Variants in ATRNL1 observed in about 807,000 individuals in gnomAD.
ATRNL1 encodes the protein attractin like 1, also known as attractin-like protein 1.
Under a neutral mutation model 182.7 loss-of-function variants are expected in ATRNL1, and 95 were observed. That is an observed-to-expected ratio of 0.52 (90% CI 0.44 to 0.62). The LOEUF (loss-of-function observed/expected upper bound fraction) is 0.62, where lower values mean the gene tolerates loss of function less well. Among genes scored for constraint, ATRNL1 ranks in the 20% least tolerant of loss-of-function variants. The probability of loss-of-function intolerance (pLI) is 0.00; values close to 1 mark genes in which losing one functional copy is unlikely to be tolerated. For synonymous variants in ATRNL1, 576 were observed against 568.3 expected, an observed-to-expected ratio of 1.01 and a Z score of -0.19; for missense variants, 1,471 against 1,679.5, an observed-to-expected ratio of 0.88 and a Z score of 2.17.
intron 28 of ATRNL1, among the ~76,000 whole-genome samples, chr10:115,858,375 T>C (rs782762927): frequency 2.6e-5 from 4 of 152,130 alleles, no homozygotes; most frequent in Non-Finnish European, 5.9e-5. Context: ...AGGAATGAGA[T>C]CATGTCCTTT....
intron 26 of ATRNL1, chr10:115,597,692 G>T: frequency 8.9e-6 from 4 of 447,346 alleles, no homozygotes; most frequent in Non-Finnish European, 1.8e-5. Context: ...CATTACAGGC[G>T]CCCACTACCA....
intron 28 of ATRNL1, among the ~76,000 whole-genome samples, chr10:115,895,735 A>C (rs1565468321): frequency 6.6e-6 from 1 of 152,220 alleles, no homozygotes; most frequent in South Asian, 2.1e-4. Flanking sequence ...TAATTACAAT[A>C]AAGTGTAAGA....
rs114734437 is a variant in ATRNL1 at position 115,765,280 on chromosome 10, C to T, written c.3903+37925C>T. Among the ~76,000 whole-genome samples, 908 of 152,232 alleles carry T rather than the reference C, an allele frequency of 6.0e-3. 8 individuals are homozygous for T. Among genetic ancestry groups the T allele is most frequent in the African/African-American group, 0.021 (865 of 41,530 alleles). On this transcript the variant is annotated intron_variant, in intron 27 of 28. Transcript: ENST00000355044. ...AAATGACTTTACCATTTTGCATTCC[C>T]GTGAGCAAAGAATGAGAATTCCTGT...
intron 27 of ATRNL1, among the ~76,000 whole-genome samples, chr10:115,764,310 C>A (rs1948804001): frequency 6.6e-6 from 1 of 152,140 alleles, no homozygotes; most frequent in Admixed American, 6.5e-5. Flanking sequence ...ATTGACACAT[C>A]ATAATCATCC....
chr10:115,384,703 C>G (rs1262287823), intron 19 of ATRNL1, among the ~76,000 whole-genome samples: 4 of 151,742 alleles, frequency 2.6e-5, no homozygotes, highest in African/African-American at 9.7e-5. Flanking sequence ...ATGGGTCATA[C>G]AAAAGTAAAA....
chr10:115,637,603 C>CTATCATTATTATTAT (rs1858961033), intron 26 of ATRNL1, among the ~76,000 whole-genome samples: 3 of 141,828 alleles, frequency 2.1e-5, no homozygotes, highest in African/African-American at 7.8e-5. Flanking sequence ...CAATTTATTA[C>CTATCATTATTATTAT]TATTATTATT....
chr10:115,637,785 C>T (rs966472520), intron 26 of ATRNL1, among the ~76,000 whole-genome samples: 14 of 151,728 alleles, frequency 9.2e-5, no homozygotes, highest in African/African-American at 3.4e-4. Flanking sequence ...CCACCACACC[C>T]AGCTAGTTTT....
intron 18 of ATRNL1, among the ~76,000 whole-genome samples, chr10:115,320,518 T>C (rs1183835208): frequency 6.6e-6 from 1 of 152,206 alleles, no homozygotes; most frequent in African/African-American, 2.4e-5. Context: ...CCCTGTCTAC[T>C]TCAGGTACTC....
chr10:115,562,307 T>C (rs782272010), intron 26 of ATRNL1, among the ~76,000 whole-genome samples: 134 of 152,290 alleles, frequency 8.8e-4, no homozygotes, highest in Non-Finnish European at 1.2e-3. Flanking sequence ...CTTGGGTATT[T>C]GATGGAATGT....
At chr10:115,679,635 G>T (rs1205349876) in intron 26 of ATRNL1, among the ~76,000 whole-genome samples, 2 of 151,948 alleles carry the variant, frequency 1.3e-5, no homozygotes, top group Non-Finnish European at 1.5e-5. Flanking sequence ...TTTGATATTT[G>T]CCCTGAGACA....
intron 8 of ATRNL1, among the ~76,000 whole-genome samples, chr10:115,175,995 C>T (rs578255150): frequency 4.6e-5 from 7 of 152,092 alleles, no homozygotes; most frequent in South Asian, 4.2e-4. Flanking sequence ...TTTTAATGAT[C>T]GCCATTCTAA....
intron 26 of ATRNL1, among the ~76,000 whole-genome samples, chr10:115,601,826 CA>C (rs1233923998): frequency 2.6e-5 from 4 of 152,118 alleles, no homozygotes; most frequent in Non-Finnish European, 4.4e-5. Flanking sequence ...TTTCTTCCTG[CA>C]TTTCTAATTG....
intron 8 of ATRNL1, among the ~76,000 whole-genome samples, chr10:115,196,160 T>C (rs1201094731): frequency 6.7e-6 from 1 of 149,246 alleles, no homozygotes; most frequent in African/African-American, 2.6e-5. Context: ...GGCAAAACCC[T>C]GTGCCTGAAT....
At chr10:115,900,198 T>C (rs1555113332) in intron 28 of ATRNL1, among the ~76,000 whole-genome samples, 1 of 151,974 alleles carries the variant, frequency 6.6e-6, no homozygotes, top group Non-Finnish European at 1.5e-5. Context: ...GTTGTCCATA[T>C]TTTTTTATAA....
At chr10:115,447,939 T>C (rs954071724) in intron 21 of ATRNL1, among the ~76,000 whole-genome samples, 4 of 152,084 alleles carry the variant, frequency 2.6e-5, no homozygotes, top group Admixed American at 6.5e-5. Flanking sequence ...AATCTGATGG[T>C]TTTGAAATAC....
At chr10:115,382,861 C>A (rs1858104110) in intron 19 of ATRNL1, among the ~76,000 whole-genome samples, 1 of 151,714 alleles carries the variant, frequency 6.6e-6, no homozygotes, top group Non-Finnish European at 1.5e-5. Flanking sequence ...AAAAAATGCC[C>A]ACACTATTTA....
intron 27 of ATRNL1, among the ~76,000 whole-genome samples, chr10:115,812,667 G>A (rs1555087364): frequency 2.6e-5 from 4 of 152,032 alleles, no homozygotes; most frequent in Admixed American, 6.6e-5. Context: ...TAGTAGAAAC[G>A]GGGTTTCACC....
chr10:115,644,027 C>T (rs1270525871), intron 26 of ATRNL1, among the ~76,000 whole-genome samples: 1 of 152,220 alleles, frequency 6.6e-6, no homozygotes, highest in Non-Finnish European at 1.5e-5. Context: ...TTTGTAGTGG[C>T]TTTATTCATA....
intron 27 of ATRNL1, among the ~76,000 whole-genome samples, chr10:115,755,797 C>T (rs1948573416): frequency 6.6e-6 from 1 of 152,104 alleles, no homozygotes; most frequent in Non-Finnish European, 1.5e-5. Flanking sequence ...TTTGTCTGGT[C>T]CTGGACGTTT....
Sources: gnomAD v4.1 joint callset for allele counts (sites outside exome capture counted in the v4.1 genomes callset) on GRCh38, gnomAD v4.1.1 for gene constraint, MANE v1.5 for transcripts, NCBI Gene and HGNC (gene_info 2026-07-23, HGNC 2026-07-21) for gene names.